The following LRRC18 variants were observed in gnomAD, a reference collection of about 807,000 sequenced individuals.
LRRC18 encodes the protein leucine rich repeat containing 18.
LRRC18 carries 12 observed loss-of-function variants against 11.2 expected under a neutral mutation model. That is an observed-to-expected ratio of 1.07 (90% CI 0.69 to 1.74). The LOEUF (loss-of-function observed/expected upper bound fraction) is 1.74. Among genes scored for constraint, LRRC18 ranks in the 40% most tolerant of loss-of-function variants. The pLI, the probability that LRRC18 is intolerant of heterozygous loss-of-function variation, is 0.00. For missense variants in LRRC18, 374 were observed against 330.5 expected, an observed-to-expected ratio of 1.13 and a Z score of -1.02; for synonymous variants, 155 against 130.6, an observed-to-expected ratio of 1.19 and a Z score of -1.27.
At chr10:48,918,253 G>T (rs1838730972), upstream of LRRC18, among the ~76,000 whole-genome samples, 1 of 152,152 alleles carries the variant, frequency 6.6e-6, no homozygotes, top group African/African-American at 2.4e-5. Context: ...TTAAGTGAAA[G>T]TGACCTACAT....
the LRRC18 span, among the ~76,000 whole-genome samples, chr10:48,929,167 G>A: frequency 6.6e-6 from 1 of 151,956 alleles, no homozygotes; most frequent in South Asian, 2.1e-4. Context: ...TCAGATGGAG[G>A]AAACATCAAG....
the LRRC18 span, among the ~76,000 whole-genome samples, chr10:48,921,008 T>C: frequency 6.6e-6 from 1 of 152,174 alleles, no homozygotes; most frequent in Non-Finnish European, 1.5e-5. Flanking sequence ...AAAGAAGATC[T>C]AAATAAATGG....
the LRRC18 span, among the ~76,000 whole-genome samples, chr10:48,931,314 T>C: frequency 3.3e-5 from 5 of 152,300 alleles, no homozygotes; most frequent in African/African-American, 1.2e-4. Context: ...TCCTAGGTCA[T>C]CTGTGAGCTC....
chr10:48,930,538 G>T, the LRRC18 span, among the ~76,000 whole-genome samples: 1 of 152,194 alleles, frequency 6.6e-6, no homozygotes, highest in Non-Finnish European at 1.5e-5. Context: ...GCAAAGAGAC[G>T]AGATGAAGCA....
chr10:48,918,821 C>G (rs1838785498), upstream of LRRC18, among the ~76,000 whole-genome samples: 1 of 152,158 alleles, frequency 6.6e-6, no homozygotes, highest in Non-Finnish European at 1.5e-5. Flanking sequence ...AGAGTAAGGC[C>G]AGAAGATTCT....
At chr10:48,922,088 C>G in the LRRC18 span, among the ~76,000 whole-genome samples, 5 of 152,174 alleles carry the variant, frequency 3.3e-5, no homozygotes, top group Admixed American at 6.5e-5. Context: ...TGGGTGGATT[C>G]CTAATACTGT....
At chr10:48,910,113 C>T in exon 2 of LRRC18, 2 of 905,122 alleles carry the variant, frequency 2.2e-6, no homozygotes, top group Non-Finnish European at 1.8e-6. Context: ...TTGGCCAGCT[C>T]CGGCGAGCCT....
At chr10:48,913,462 G>T in exon 1 of LRRC18, 5 of 1,613,762 alleles carry the variant, frequency 3.1e-6, no homozygotes, top group Non-Finnish European at 4.2e-6. Context: ...GTCTTTCTCG[G>T]TGTCGTCGTG....
chr10:48,913,645 T>C, exon 1 of LRRC18: 1 of 1,613,904 alleles, frequency 6.2e-7, no homozygotes, highest in Non-Finnish European at 8.5e-7. Flanking sequence ...ATGTTGAGCT[T>C]TTTCAGCTTG....
the LRRC18 span, among the ~76,000 whole-genome samples, chr10:48,933,473 G>A: frequency 7.9e-5 from 12 of 152,246 alleles, no homozygotes; most frequent in Non-Finnish European, 1.6e-4. Context: ...TCTCTTGGCC[G>A]CCAGTGGCTC....
the LRRC18 span, among the ~76,000 whole-genome samples, chr10:48,928,061 G>A: frequency 6.6e-6 from 1 of 152,188 alleles, no homozygotes; most frequent in Admixed American, 6.5e-5. Flanking sequence ...TCCACCCAAT[G>A]TGTTTTAAGC....
At chr10:48,922,544 G>A in the LRRC18 span, among the ~76,000 whole-genome samples, 6,125 of 152,238 alleles carry the variant, frequency 0.04, 270 homozygotes, top group African/African-American at 0.1. Context: ...ATTTTATGAT[G>A]AATTGTTGTT....
chr10:48,929,191 T>G, the LRRC18 span, among the ~76,000 whole-genome samples: 2 of 151,638 alleles, frequency 1.3e-5, no homozygotes, highest in Non-Finnish European at 2.9e-5. Context: ...AAAAGTCTCT[T>G]TGCAGAGAGG....
upstream of LRRC18, among the ~76,000 whole-genome samples, chr10:48,914,712 A>G (rs1158755876): frequency 6.6e-6 from 1 of 152,176 alleles, no homozygotes; most frequent in Non-Finnish European, 1.5e-5. Context: ...CCAACTTCTC[A>G]CATCCCTCTT....
chr10:48,937,573 C>T, the LRRC18 span, among the ~76,000 whole-genome samples: 1,328 of 152,308 alleles, frequency 8.7e-3, 15 homozygotes, highest in Middle Eastern at 0.024. Flanking sequence ...ATTATGGTAA[C>T]CTCATTGGGC....
At chr10:48,912,101 C>T (rs1291775821) in intron 1 of LRRC18, among the ~76,000 whole-genome samples, 1 of 152,192 alleles carries the variant, frequency 6.6e-6, no homozygotes, top group Non-Finnish European at 1.5e-5. Context: ...TTTTCTTTTA[C>T]CCACATGAAG....
At chr10:48,931,050 C>G in the LRRC18 span, among the ~76,000 whole-genome samples, 1 of 151,554 alleles carries the variant, frequency 6.6e-6, no homozygotes, top group South Asian at 2.1e-4. Context: ...CTATTTCTAA[C>G]CAGAAAAAAA....
At chr10:48,918,655 A>G (rs953862968), upstream of LRRC18, among the ~76,000 whole-genome samples, 3 of 152,260 alleles carry the variant, frequency 2.0e-5, no homozygotes, top group Admixed American at 2.0e-4. Context: ...CTCAGCAGTC[A>G]ATAGAACAGG....
the LRRC18 span, among the ~76,000 whole-genome samples, chr10:48,928,516 G>A: frequency 2.6e-5 from 4 of 152,114 alleles, no homozygotes; most frequent in South Asian, 4.1e-4. Context: ...GCAGCCTAGC[G>A]TCCTTATGGA....
Sources: allele counts gnomAD v4.1 joint callset (sites outside exome capture counted in the v4.1 genomes callset), GRCh38; gene constraint gnomAD v4.1.1; transcripts MANE v1.5; gene names NCBI Gene and HGNC (gene_info 2026-07-23, HGNC 2026-07-21).